JPH3: variants seen among roughly 807,000 people sequenced by gnomAD.
JPH3 encodes the protein junctophilin 3.
A neutral mutation model predicts 59.6 loss-of-function variants in JPH3; 11 were observed. That is an observed-to-expected ratio of 0.18 (90% CI 0.12 to 0.31). JPH3 has a LOEUF of 0.31. JPH3 is among the 10% of genes least tolerant of loss of function. The probability of loss-of-function intolerance (pLI) is 1.00; values close to 1 mark genes in which losing one functional copy is unlikely to be tolerated. For missense variants in JPH3, 1,202 were observed against 1,105.7 expected, an observed-to-expected ratio of 1.09 and a Z score of -1.24; for synonymous variants, 673 against 483.6, an observed-to-expected ratio of 1.39 and a Z score of -5.14.
intron 1 of JPH3, among the ~76,000 whole-genome samples, chr16:87,641,690 G>A (rs1043113616): frequency 6.6e-6 from 1 of 152,262 alleles, no homozygotes; most frequent in Non-Finnish European, 1.5e-5. Flanking sequence ...AGGCTGCAGC[G>A]TGTGGCAGGT....
At chr16:87,638,595 G>A (rs2031835725) in intron 1 of JPH3, among the ~76,000 whole-genome samples, 2 of 152,172 alleles carry the variant, frequency 1.3e-5, no homozygotes, top group Non-Finnish European at 2.9e-5. Context: ...GCAGGGCTGA[G>A]GTGGGTCGGC....
intron 1 of JPH3, among the ~76,000 whole-genome samples, chr16:87,614,396 G>A (rs984309805): frequency 3.3e-5 from 5 of 149,512 alleles, no homozygotes; most frequent in Admixed American, 6.7e-5. Context: ...GGAGCTGTGC[G>A]TCCCCTCCAA....
chr16:87,658,911 G>A (rs2032601771), intron 2 of JPH3, among the ~76,000 whole-genome samples: 1 of 152,228 alleles, frequency 6.6e-6, no homozygotes, highest in Non-Finnish European at 1.5e-5. Context: ...TTGCCCAGCA[G>A]GGCAGCTTGA....
At chr16:87,643,889 C>T (rs985396081) in intron 1 of JPH3, among the ~76,000 whole-genome samples, 3 of 152,166 alleles carry the variant, frequency 2.0e-5, no homozygotes, top group Admixed American at 6.5e-5. Context: ...ACTGTAATCA[C>T]AGCACTTCTG....
chr16:87,644,313 G>A lies in JPH3; in HGVS notation c.438G>A (p.Gln146=). ...TGCGCCAGGGCTACGGCGTCCGGCA[G>A]AGCGTCCCGTATGGCATGGCCGCGG... is the stretch of plus-strand genomic sequence containing the variant. The part of the protein sequence containing the change: ...GGMRQGYGVR[Q]SVPYGMAAVI... Residue 146 remains glutamine, a synonymous_variant, in exon 2 of 5, where the codon CAG becomes CAA. Coordinates refer to ENST00000284262, the MANE Select transcript of JPH3 (RefSeq NM_020655.4). The A allele has an allele frequency of 1.2e-6, 2 of 1,612,820 alleles. No homozygotes were observed. The highest frequency in any genetic ancestry group is 2.2e-5 in the South Asian group (2 of 91,034).
At chr16:87,691,472 C>G (rs947173680) in intron 4 of JPH3, among the ~76,000 whole-genome samples, 1 of 152,100 alleles carries the variant, frequency 6.6e-6, no homozygotes, top group Admixed American at 6.5e-5. Context: ...GGGGGGTGTC[C>G]GCAGGGGGCG....
intron 3 of JPH3, among the ~76,000 whole-genome samples, chr16:87,687,651 C>T (rs983217510): frequency 3.3e-5 from 5 of 152,206 alleles, no homozygotes; most frequent in South Asian, 2.1e-4. Context: ...AGGGGCTTCA[C>T]GAGGACCCGC....
At chr16:87,652,962 C>T (rs376301771) in intron 2 of JPH3, among the ~76,000 whole-genome samples, 14 of 152,270 alleles carry the variant, frequency 9.2e-5, no homozygotes, top group African/African-American at 3.4e-4. Flanking sequence ...GCTCTTCTGT[C>T]GGCTCAGGAC....
intron 2 of JPH3, among the ~76,000 whole-genome samples, chr16:87,658,617 G>A (rs996722812): frequency 2.6e-4 from 40 of 152,260 alleles, no homozygotes; most frequent in African/African-American, 9.6e-4. Context: ...AGGGCATGAT[G>A]TCGTGGAGGG....
intron 2 of JPH3, among the ~76,000 whole-genome samples, chr16:87,657,447 C>T (rs557204900): frequency 1.2e-4 from 19 of 152,206 alleles, no homozygotes; most frequent in African/African-American, 2.6e-4. Context: ...CTGTTGAGGG[C>T]GACGACAGTA....
Position 87,644,822 on chromosome 16 carries a change from C to A in JPH3, c.947C>A (p.Ala316Asp), listed in dbSNP as rs2032086668. ...SDGLKYEGEW[A>D]SNRRHGYGCM... ...GGGCTCAAGTACGAGGGCGAGTGGG[C>A]CAGCAACCGGCGCCATGGCTACGGC... is the stretch of plus-strand genomic sequence containing the variant. The change falls in exon 2 of 5, where the codon GCC becomes GAC. Residue 316 changes from alanine to aspartate, a missense_variant. Transcript: ENST00000284262. The A allele has an allele frequency of 6.2e-7, 1 of 1,613,190 alleles. No homozygotes were observed. Among genetic ancestry groups the A allele is most frequent in the African/African-American group, 1.3e-5 (1 of 74,820 alleles).
At chr16:87,694,896 C>G (rs2033749543) in intron 4 of JPH3, 1 of 226,300 alleles carries the variant, frequency 4.4e-6, no homozygotes, top group African/African-American at 2.3e-5. Flanking sequence ...CCTGCGCTTT[C>G]TCTGTGGCAG....
intron 2 of JPH3, among the ~76,000 whole-genome samples, chr16:87,678,080 C>G (rs1318530503): frequency 6.6e-6 from 1 of 151,758 alleles, no homozygotes; most frequent in Non-Finnish European, 1.5e-5. Flanking sequence ...AGTGAGACCC[C>G]ATCTCTACAA....
chr16:87,624,931 C>G (rs1164784947), intron 1 of JPH3, among the ~76,000 whole-genome samples: 1 of 152,212 alleles, frequency 6.6e-6, no homozygotes, highest in Admixed American at 6.5e-5. Flanking sequence ...TCCGAAGTAG[C>G]TGGGATTATA....
At chr16:87,618,029 C>T (rs2573117) in intron 1 of JPH3, among the ~76,000 whole-genome samples, 134,372 of 152,054 alleles carry the variant, frequency 0.88, 59,505 homozygotes, top group East Asian at 1. Flanking sequence ...TGGGGCATGG[C>T]AGCCTGCGCC....
At chr16:87,687,594 C>T (rs1254908904) in intron 3 of JPH3, among the ~76,000 whole-genome samples, 4 of 152,124 alleles carry the variant, frequency 2.6e-5, no homozygotes, top group Non-Finnish European at 4.4e-5. Flanking sequence ...GACTGAGCGT[C>T]GGAGGCTGCA....
chr16:87,612,284 C>T (rs1033317885), intron 1 of JPH3, among the ~76,000 whole-genome samples: 7 of 152,116 alleles, frequency 4.6e-5, no homozygotes, highest in African/African-American at 1.7e-4. Flanking sequence ...CCCCCATGCC[C>T]AGCTAAGTTT....
At chr16:87,623,440 T>G (rs1386319315) in intron 1 of JPH3, among the ~76,000 whole-genome samples, 1 of 152,196 alleles carries the variant, frequency 6.6e-6, no homozygotes. Context: ...TCCCGCTGTG[T>G]GGGGGACATG....
chr16:87,667,653 C>T (rs1318119188), intron 2 of JPH3, among the ~76,000 whole-genome samples: 3 of 152,204 alleles, frequency 2.0e-5, no homozygotes, highest in Non-Finnish European at 4.4e-5. Flanking sequence ...ACGTCCCACC[C>T]CTCTCTGGGC....
Sources: gnomAD v4.1 joint callset for allele counts (sites outside exome capture counted in the v4.1 genomes callset) on GRCh38, gnomAD v4.1.1 for gene constraint, MANE v1.5 for transcripts, NCBI Gene and HGNC (gene_info 2026-07-23, HGNC 2026-07-21) for gene names.